Variants in IFRD1 observed in about 807,000 individuals in gnomAD.
IFRD1 encodes interferon related developmental regulator 1, also known as interferon-related developmental regulator 1.
A neutral mutation model predicts 52.9 loss-of-function variants in IFRD1; 35 were observed. The observed-to-expected ratio is 0.66, with a 90% CI of 0.51 to 0.88. IFRD1 has a LOEUF of 0.88. IFRD1 is among the 40% of genes least tolerant of loss of function. IFRD1 has a pLI of 0.00. For synonymous variants in IFRD1, 184 were observed against 188.4 expected, an observed-to-expected ratio of 0.98 and a Z score of 0.19; for missense variants, 517 against 550.8, an observed-to-expected ratio of 0.94 and a Z score of 0.61.
intron 1 of IFRD1, among the ~76,000 whole-genome samples, chr7:112,423,921 C>G (rs892550092): frequency 1.3e-5 from 2 of 152,170 alleles, no homozygotes; most frequent in Non-Finnish European, 2.9e-5. Context: ...AGGCATCTGC[C>G]GTACTGTAAC....
At chr7:112,463,831 T>C (rs1322963178) in intron 8 of IFRD1, among the ~76,000 whole-genome samples, 2 of 106,892 alleles carry the variant, frequency 1.9e-5, no homozygotes, top group African/African-American at 4.0e-5. Context: ...TATATACATA[T>C]ACATATATAT....
intron 5 of IFRD1, among the ~76,000 whole-genome samples, chr7:112,459,427 A>G (rs1295659081): frequency 6.6e-6 from 1 of 152,142 alleles, no homozygotes; most frequent in Non-Finnish European, 1.5e-5. Context: ...AAGTGATACA[A>G]GTGATCATAT....
upstream of IFRD1, among the ~76,000 whole-genome samples, chr7:112,449,128 C>G (rs1267638198): frequency 6.6e-6 from 1 of 152,186 alleles, no homozygotes; most frequent in African/African-American, 2.4e-5. Flanking sequence ...AATCTGGCAG[C>G]ATTACTGTGC....
At chr7:112,454,880 T>G (rs1474270049) in intron 1 of IFRD1, among the ~76,000 whole-genome samples, 1 of 119,768 alleles carries the variant, frequency 8.3e-6, no homozygotes, top group African/African-American at 3.0e-5. Context: ...TTTTTTTTTT[T>G]TTTTGAGACA....
Position 112,455,793 on chromosome 7 carries a change from G to A in IFRD1, c.125G>A (p.Ser42Asn), listed in dbSNP as rs1258261731. The A allele has an allele frequency of 1.2e-6, 2 of 1,612,846 alleles. No homozygotes were observed. Among genetic ancestry groups the A allele is most frequent in the South Asian group, 2.2e-5 (2 of 91,058 alleles). ...GGQHRNVQPF[S>N]DEDASIETMS... is the part of the protein sequence containing the mutation. ...CAGCATCGAAATGTTCAGCCTTTTA[G>A]TGATGAAGATGCATCAATTGAAACA... Residue 42 changes from serine to asparagine, a missense_variant, in exon 2 of 12, where the codon AGT (serine) becomes AAT (asparagine). Physicochemically the swap from Ser to Asn is conservative, Grantham distance 46. Coordinates refer to ENST00000403825, the MANE Select transcript of IFRD1 (RefSeq NM_001550.4).
At chr7:112,458,827 G>T (rs199979274) in intron 4 of IFRD1, 34 bp from the exon 5 acceptor site, 17 of 1,604,282 alleles carry the variant, frequency 1.1e-5, no homozygotes, top group East Asian at 2.2e-5. Context: ...CTACTGAAAA[G>T]ACTATCGTGA....
chr7:112,475,584 T>C lies in IFRD1; in HGVS notation c.*65T>C. On this transcript the variant is annotated 3_prime_UTR_variant, in exon 12 of 12. Coordinates refer to ENST00000403825, the MANE Select transcript of IFRD1 (RefSeq NM_001550.4). ...TTTTTCTATTTCAATGTATTTAAAC[T>C]CTAGACACAGTTTTTATCCTGGATT... 1 of 961,150 alleles carries C rather than the reference T, an allele frequency of 1.0e-6. No homozygotes were observed. Among genetic ancestry groups the C allele is most frequent in the South Asian group, 1.4e-5 (1 of 71,448 alleles). 59.5% of individuals were successfully genotyped at this position (961,150 alleles called of 1,614,324 possible).
At position 112,476,691 on chromosome 7, in the gene IFRD1, G is replaced by T. The variant is rs566774817; in HGVS notation, c.*1172G>T. 6.6e-6 allele frequency: 1 copy of T among 152,148 alleles called. No individual in the cohort carries two copies. The highest frequency in any genetic ancestry group is 1.5e-5 in the Non-Finnish European group (1 of 68,002). The allele number at this position is 152,148 out of a possible 1,614,324, so 9.4% of individuals were successfully genotyped here. On this transcript the variant is annotated 3_prime_UTR_variant, in exon 12 of 12. Transcript: ENST00000403825. The stretch of plus-strand genomic sequence containing the variant: ...AATATTGCTGCTTGTTTGCCCATGA[G>T]GTATATTTCTTTCATTTTATGAAAA...
intron 9 of IFRD1, among the ~76,000 whole-genome samples, chr7:112,471,646 C>T (rs966318078): frequency 6.6e-6 from 1 of 152,092 alleles, no homozygotes; most frequent in Non-Finnish European, 1.5e-5. Context: ...GTTACACCTT[C>T]GAAATGGTCT....
In IFRD1 at chr7:112,458,989, G is replaced by A; in HGVS notation, c.538G>A (p.Gly180Arg). 1.2e-6 allele frequency: 2 copies of A among 1,613,806 alleles called. No individual in the cohort carries two copies. Among genetic ancestry groups the A allele is most frequent in the Non-Finnish European group, 1.7e-6 (2 of 1,179,786 alleles). Residue 180 changes from glycine (G) to arginine (R), a missense_variant, in exon 5 of 12, where the codon GGG (glycine) becomes AGG (arginine). Gly to Arg is a moderately radical substitution (Grantham distance 125). Coordinates refer to ENST00000403825, the MANE Select transcript of IFRD1 (RefSeq NM_001550.4). ...GPILKKIICD[G>R]SASMQARQTC... ...AATCCTAAAGAAAATCATTTGTGAT[G>A]GGTCAGCTAGTATGCAGGCTAGGCA...
chr7:112,474,438 G>T (rs936885224), intron 11 of IFRD1, among the ~76,000 whole-genome samples: 1 of 152,126 alleles, frequency 6.6e-6, no homozygotes, highest in Non-Finnish European at 1.5e-5. Context: ...AGCCATTCTG[G>T]TGGGTGTGAA....
intron 11 of IFRD1, 43 bp downstream of exon 11, chr7:112,472,904 G>T: frequency 7.3e-7 from 1 of 1,366,018 alleles, no homozygotes; most frequent in Admixed American, 1.7e-5. Context: ...GTGCGCCAAA[G>T]CTTTGATTCT....
At chr7:112,465,229 A>G (rs1244462416) in intron 8 of IFRD1, among the ~76,000 whole-genome samples, 1 of 152,106 alleles carries the variant, frequency 6.6e-6, no homozygotes, top group Non-Finnish European at 1.5e-5. Flanking sequence ...AGGCTTTTGT[A>G]TGATTTTTAT....
intron 1 of IFRD1, among the ~76,000 whole-genome samples, chr7:112,453,934 G>A (rs1329839967): frequency 6.6e-6 from 1 of 152,062 alleles, no homozygotes; most frequent in East Asian, 1.9e-4. Context: ...AACCGTTAAG[G>A]TGGTGACGTT....
intron 3 of IFRD1, 133 bp downstream of exon 3, chr7:112,456,219 T>C: frequency 1.4e-6 from 1 of 712,168 alleles, no homozygotes; most frequent in Non-Finnish European, 2.6e-6. Flanking sequence ...TCTCAGATAA[T>C]AGCAATATAT....
chr7:112,472,711 A>G, intron 10 of IFRD1, 55 bp from the exon 11 acceptor site: 1 of 1,076,494 alleles, frequency 9.3e-7, no homozygotes, highest in South Asian at 1.2e-5. Context: ...CTGTCTAGTG[A>G]AAAAGAGCTA....
chr7:112,450,458 C>G (rs1193202388), upstream of IFRD1: 2 of 576,250 alleles, frequency 3.5e-6, no homozygotes, highest in East Asian at 2.9e-5. Context: ...CTCCCCTGCC[C>G]CGCCTTAGCT....
intron 1 of IFRD1, among the ~76,000 whole-genome samples, chr7:112,455,503 AC>A: frequency 6.6e-6 from 1 of 152,004 alleles, no homozygotes; most frequent in East Asian, 1.9e-4. Context: ...AAAAAACAAA[AC>A]AAAACAAAAA....
intron 1 of IFRD1, among the ~76,000 whole-genome samples, chr7:112,454,972 T>C (rs1795252565): frequency 6.7e-6 from 1 of 149,628 alleles, no homozygotes; most frequent in South Asian, 2.2e-4. Flanking sequence ...GCTCAAGCGA[T>C]TCTTCTGCCT....
Sources: allele counts gnomAD v4.1 joint callset (sites outside exome capture counted in the v4.1 genomes callset), GRCh38; gene constraint gnomAD v4.1.1; transcripts MANE v1.5; gene names NCBI Gene and HGNC (gene_info 2026-07-23, HGNC 2026-07-21).